The following PGM3 variants were observed in gnomAD, a reference collection of about 807,000 sequenced individuals.
The protein encoded by PGM3 is phosphoacetylglucosamine mutase.
Under a neutral mutation model 66.2 loss-of-function variants are expected in PGM3, and 40 were observed. The observed-to-expected ratio is 0.60, with a 90% CI of 0.47 to 0.79. The LOEUF is 0.79. PGM3 is among the 30% of genes least tolerant of loss of function. The probability of loss-of-function intolerance (pLI) is 0.00; values close to 1 mark genes in which losing one functional copy is unlikely to be tolerated. For missense variants in PGM3, 537 were observed against 643.4 expected (o/e 0.83, Z 1.79); for synonymous variants, 191 against 224.2 (o/e 0.85, Z 1.32).
chr6:83,151,858 T>C, the PGM3 span: 6 of 1,610,380 alleles, frequency 3.7e-6, no homozygotes, highest in African/African-American at 5.3e-5. Flanking sequence ...GTACCATACA[T>C]AGTTGTTCTT....
the PGM3 span, among the ~76,000 whole-genome samples, chr6:83,154,599 G>C: frequency 6.1e-4 from 93 of 152,160 alleles, no homozygotes; most frequent in Non-Finnish European, 1.6e-4. Flanking sequence ...GTGAATGAGA[G>C]ACTGACAGAT....
chr6:83,160,974 C>CAT (rs144188690), downstream of PGM3, among the ~76,000 whole-genome samples: 289 of 149,568 alleles, frequency 1.9e-3, 1 homozygote, highest in East Asian at 4.1e-3. Flanking sequence ...ACTTGAAAAC[C>CAT]ATATATATAT....
chr6:83,190,652 G>C (rs1788973278), intron 2 of PGM3, 157 bp downstream of exon 2: 5 of 619,712 alleles, frequency 8.1e-6, no homozygotes, highest in South Asian at 7.9e-5. Flanking sequence ...TAATGATCAT[G>C]CTCTTAAAAA....
the PGM3 span, among the ~76,000 whole-genome samples, chr6:83,149,581 A>C: frequency 1.3e-5 from 2 of 152,102 alleles, no homozygotes; most frequent in Non-Finnish European, 2.9e-5. Flanking sequence ...CAGGATCTTG[A>C]ATTTTATTTT....
At chr6:83,162,630 T>A (rs982443937), downstream of PGM3, among the ~76,000 whole-genome samples, 4 of 152,074 alleles carry the variant, frequency 2.6e-5, no homozygotes, top group Non-Finnish European at 5.9e-5. Flanking sequence ...CTCAGAGAGG[T>A]TAAGAAACAT....
the PGM3 span, chr6:83,153,858 G>C: frequency 1.3e-6 from 2 of 1,575,748 alleles, no homozygotes; most frequent in Non-Finnish European, 1.7e-6. Context: ...ATTAAAGTTA[G>C]GACACGTAGG....
At chr6:83,175,882 C>A in intron 9 of PGM3, 80 bp downstream of exon 9, 1 of 737,878 alleles carries the variant, frequency 1.4e-6, no homozygotes, top group South Asian at 1.5e-5. Flanking sequence ...ACAATATTAC[C>A]TATTATTACC....
In PGM3 at chr6:83,167,613, T is replaced by C. The variant is rs1345896223; in HGVS notation, c.*1621A>G. On this transcript the variant is annotated 3_prime_UTR_variant, in exon 13 of 13. Transcript: ENST00000513973. ...CTATTCCTGTTCAAAGCTATTTCTG[T>C]TAACTAAGCTTATCTGCGCATTCTA... 1.1e-5 allele frequency: 13 copies of C among 1,186,538 alleles called. No individual in the cohort carries two copies. In the East Asian group the frequency reaches 5.0e-4, roughly 45 times the overall value. 73.5% of individuals were successfully genotyped at this position (1,186,538 alleles called of 1,614,324 possible).
chr6:83,158,599 CACT>C (rs1264214094), downstream of PGM3: 1 of 1,607,576 alleles, frequency 6.2e-7, no homozygotes, highest in Non-Finnish European at 8.5e-7. Context: ...AGCAGGAACT[CACT>C]GCTGATGAAG....
intron 4 of PGM3, among the ~76,000 whole-genome samples, chr6:83,185,422 T>C (rs1193831130): frequency 6.6e-6 from 1 of 152,220 alleles, no homozygotes; most frequent in African/African-American, 2.4e-5. Flanking sequence ...AGAAATAGAC[T>C]ACTAGAGGGA....
rs749320607 is a variant in PGM3, at chr6:83,190,991, T to C, written c.22A>G (p.Lys8Glu). The change falls in exon 2 of 13, where the codon AAA becomes GAA. Residue 8 changes from lysine (K) to glutamate (E), a missense_variant. Coordinates refer to ENST00000513973, the MANE Select transcript of PGM3 (RefSeq NM_015599.3). ...GGCTTGGCGTGTAATGCTGAGTATT[T>C]TGTAATAGCACCTAAATCCATGTCT... is the stretch of plus-strand genomic sequence containing the variant. MDLGAIT[K>E]YSALHAKPNG... is the part of the protein sequence containing the mutation. The C allele has an allele frequency of 4.3e-6, 7 of 1,613,666 alleles. No individual in the cohort carries two copies. The highest frequency in any genetic ancestry group is 5.9e-6 in the Non-Finnish European group (7 of 1,179,642).
intron 8 of PGM3, among the ~76,000 whole-genome samples, chr6:83,177,929 C>T (rs553180996): frequency 6.6e-6 from 1 of 152,146 alleles, no homozygotes; most frequent in African/African-American, 2.4e-5. Context: ...GACCACCCCC[C>T]ACACACCCTG....
chr6:83,191,226 C>T, intron 1 of PGM3: 1 of 1,535,366 alleles, frequency 6.5e-7, no homozygotes, highest in Non-Finnish European at 8.7e-7. Context: ...CACTCCTGGG[C>T]AGACTCAGGG....
chr6:83,185,826 A>C (rs1416003686), intron 4 of PGM3, among the ~76,000 whole-genome samples: 1 of 152,142 alleles, frequency 6.6e-6, no homozygotes, highest in East Asian at 1.9e-4. Flanking sequence ...AAGCTATGGC[A>C]GTAGAGATAA....
the PGM3 span, among the ~76,000 whole-genome samples, chr6:83,150,390 C>CTCCAATATTTTACTG: frequency 0.34 from 52,368 of 152,006 alleles, 10,409 homozygotes; most frequent in African/African-American, 0.55. Context: ...AGCTGTTCCC[C>CTCCAATATTTTACTG]TTTCCTTACA....
Position 83,166,540 on chromosome 6 carries a change from ACAG to A in PGM3, c.*2691_*2693del. On this transcript the variant is annotated 3_prime_UTR_variant, in exon 13 of 13. Transcript: ENST00000513973. ...TTTCCATAGTCTAAAATAAATATAA[ACAG>A]CAATAAGTCATTAGCAAAAAAAAAG... 1 of 668,846 alleles carries A rather than the reference ACAG, an allele frequency of 1.5e-6. No homozygotes were observed. Among genetic ancestry groups the A allele is most frequent in the Non-Finnish European group, 2.7e-6 (1 of 373,452 alleles). 41.4% of individuals were successfully genotyped at this position (668,846 alleles called of 1,614,324 possible). A position where few individuals can be genotyped will look rare whatever the true frequency, so the allele number is the denominator to read the frequency against.
chr6:83,190,623 C>G, intron 2 of PGM3, 186 bp downstream of exon 2: 1 of 603,254 alleles, frequency 1.7e-6, no homozygotes, highest in African/African-American at 1.9e-5. Context: ...TCTTTCCACA[C>G]CCTTAGGAAT....
chr6:83,168,359 A>T lies in PGM3; in HGVS notation c.*875T>A, dbSNP rs1054282030. The T allele has an allele frequency of 7.2e-7, 1 of 1,395,978 alleles. No homozygotes were observed. Among genetic ancestry groups the T allele is most frequent in the South Asian group, 1.6e-5 (1 of 62,174 alleles). The allele number at this position is 1,395,978 out of a possible 1,614,324, so 86.5% of individuals were successfully genotyped here. The stretch of plus-strand genomic sequence containing the variant: ...AATCAAGTTTAAATATTGTTGGCTC[A>T]TACTGATTATGGTGCCTAAGAGAGC... On this transcript the variant is annotated 3_prime_UTR_variant, in exon 13 of 13. Coordinates refer to ENST00000513973, the MANE Select transcript of PGM3 (RefSeq NM_015599.3).
At chr6:83,163,191 GT>G (rs1334839971), downstream of PGM3, among the ~76,000 whole-genome samples, 1 of 152,040 alleles carries the variant, frequency 6.6e-6, no homozygotes, top group Admixed American at 6.6e-5. Flanking sequence ...ACCTTAAAAT[GT>G]TTTCCCCTCA....
Sources: gnomAD v4.1 joint callset for allele counts (sites outside exome capture counted in the v4.1 genomes callset) on GRCh38, gnomAD v4.1.1 for gene constraint, MANE v1.5 for transcripts, NCBI Gene and HGNC (gene_info 2026-07-23, HGNC 2026-07-21) for gene names.